The following TTLL7 variants were observed in gnomAD, a reference collection of about 807,000 sequenced individuals.
TTLL7 encodes tubulin polyglutamylase TTLL7.
A neutral mutation model predicts 120.2 loss-of-function variants in TTLL7; 53 were observed. That is an observed-to-expected ratio of 0.44 (90% CI 0.35 to 0.55). The LOEUF (loss-of-function observed/expected upper bound fraction) is 0.55. Among genes scored for constraint, TTLL7 ranks in the 20% least tolerant of loss-of-function variants. The pLI is 0.00. For synonymous variants in TTLL7, 353 were observed against 351.7 expected, an observed-to-expected ratio of 1.00 and a Z score of -0.04; for missense variants, 803 against 1,054.7, an observed-to-expected ratio of 0.76 and a Z score of 3.31.
chr1:83,878,504 A>T (rs747122906), intron 20 of TTLL7, among the ~76,000 whole-genome samples: 6 of 151,766 alleles, frequency 4.0e-5, no homozygotes, highest in Non-Finnish European at 5.9e-5. Flanking sequence ...CAGGCCCTGA[A>T]CTCCTATTTT....
chr1:83,892,207 C>CATATATATGAATATATATGTGT (rs1310205412), intron 18 of TTLL7, among the ~76,000 whole-genome samples: 4 of 142,892 alleles, frequency 2.8e-5, no homozygotes, highest in Admixed American at 1.4e-4. Context: ...TATATATACA[C>CATATATATGAATATATATGTGT]ATATATATGA....
chr1:83,965,394 A>G (rs1195462356), intron 1 of TTLL7, among the ~76,000 whole-genome samples: 2 of 152,020 alleles, frequency 1.3e-5, no homozygotes, highest in Non-Finnish European at 2.9e-5. Flanking sequence ...CTCTTCTGCC[A>G]CCTTGCGAAG....
chr1:83,900,037 C>T, intron 18 of TTLL7: 1 of 329,072 alleles, frequency 3.0e-6, no homozygotes, highest in Non-Finnish European at 5.9e-6. Flanking sequence ...CATAATAACC[C>T]TAAAACATAT....
chr1:83,907,615 T>C lies in TTLL7; in HGVS notation c.1833A>G (p.Gln611=), dbSNP rs111919051. The C allele has an allele frequency of 1.5e-5, 24 of 1,613,148 alleles. No homozygotes were observed. Among genetic ancestry groups the C allele is most frequent in the African/African-American group, 8.0e-5 (6 of 74,962 alleles). Residue 611 remains glutamine (Q), a synonymous_variant, in exon 16 of 21, where the codon CAA becomes CAG. Coordinates refer to ENST00000260505, the MANE Select transcript of TTLL7 (RefSeq NM_024686.6). ...SVSCPRSISA[Q]SPSSGDTRPF... ...GGCGGGTGTCCCCACTGGAAGGTGA[T>C]TGAGCAGAGATGGACCGAGGGCAGC...
chr1:83,896,902 A>G (rs142741649), intron 18 of TTLL7, among the ~76,000 whole-genome samples: 383 of 152,218 alleles, frequency 2.5e-3, no homozygotes, highest in Admixed American at 7.5e-3. Context: ...CTTCATATAT[A>G]TTCCTCACAA....
At chr1:83,917,812 T>C (rs971638917) in intron 13 of TTLL7, 122 bp from the exon 14 acceptor site, 2 of 660,948 alleles carry the variant, frequency 3.0e-6, no homozygotes, top group Admixed American at 5.8e-5. Flanking sequence ...TGAAGATTGC[T>C]CAGAAAAAAG....
At chr1:83,902,182 T>C (rs962643746) in intron 18 of TTLL7, 2 of 151,858 alleles carry the variant, frequency 1.3e-5, no homozygotes, top group Non-Finnish European at 2.9e-5. Flanking sequence ...CTCTCTTTCC[T>C]GGGCCATTCC....
At chr1:83,919,156 G>T (rs1658432384) in intron 13 of TTLL7, among the ~76,000 whole-genome samples, 1 of 151,918 alleles carries the variant, frequency 6.6e-6, no homozygotes, top group South Asian at 2.1e-4. Context: ...GAACCACTCA[G>T]CTGTGCCCAG....
chr1:83,873,598 G>A (rs1653642472), intron 20 of TTLL7, among the ~76,000 whole-genome samples: 1 of 152,060 alleles, frequency 6.6e-6, no homozygotes, highest in African/African-American at 2.4e-5. Flanking sequence ...TACCCTATTT[G>A]TTTCATAGCC....
chr1:83,986,709 C>T (rs1652484465), intron 1 of TTLL7, among the ~76,000 whole-genome samples: 1 of 152,068 alleles, frequency 6.6e-6, no homozygotes, highest in Non-Finnish European at 1.5e-5. Context: ...GGAGTGGTGG[C>T]ATGCACCTGT....
chr1:83,982,453 G>T (rs890575587), intron 1 of TTLL7, among the ~76,000 whole-genome samples: 4 of 151,978 alleles, frequency 2.6e-5, no homozygotes, highest in Non-Finnish European at 5.9e-5. Context: ...GAAAACAACA[G>T]TGAAAATAAA....
At position 83,911,026 on chromosome 1, in the gene TTLL7, T is replaced by C. The variant is rs2100771290; in HGVS notation, c.1786+139A>G. The C allele has an allele frequency of 6.0e-6, 4 of 670,340 alleles. No homozygotes were observed. In the East Asian group the frequency reaches 8.1e-5, roughly 14 times the overall value. The allele number at this position is 670,340 out of a possible 1,614,324, so 41.5% of individuals were successfully genotyped here. On this transcript the variant is annotated intron_variant, in intron 15 of 20. Transcript: ENST00000260505. ...AATTAAGGGATGTGCCCGAGTCTGG[T>C]TAGGGAAGGAAGTGGGATGGAATCC...
At chr1:83,947,875 T>A (rs764577515) in intron 5 of TTLL7, among the ~76,000 whole-genome samples, 26 of 152,210 alleles carry the variant, frequency 1.7e-4, no homozygotes, top group South Asian at 4.2e-4. Flanking sequence ...CTTCTTTTTT[T>A]AAAAAATTAT....
intron 10 of TTLL7, among the ~76,000 whole-genome samples, chr1:83,926,763 TC>T (rs947361221): frequency 3.3e-5 from 5 of 152,174 alleles, no homozygotes; most frequent in African/African-American, 1.2e-4. Flanking sequence ...TTTAATTTAA[TC>T]TAATTAACAA....
rs189032665 is a variant in TTLL7 at position 83,951,274 on chromosome 1, G to A, written c.157+571C>T. Among the ~76,000 whole-genome samples the A allele has an allele frequency of 8.4e-4, 127 of 152,064 alleles. 1 individual carries two copies. The highest frequency in any genetic ancestry group is 2.8e-3 in the African/African-American group (117 of 41,494). ...TGAGGCAGGAGAATGGCGTGAACCC[G>A]GGAGACGGAGCTTGCAGTGAGCCGA... On this transcript the variant is annotated intron_variant, in intron 3 of 20. Coordinates refer to ENST00000260505, the MANE Select transcript of TTLL7 (RefSeq NM_024686.6).
chr1:83,895,368 A>C (rs1187454211), intron 18 of TTLL7, among the ~76,000 whole-genome samples: 2 of 152,054 alleles, frequency 1.3e-5, no homozygotes, highest in Non-Finnish European at 2.9e-5. Flanking sequence ...TGTGCCAAGC[A>C]CTGTTCTAAG....
chr1:83,965,000 T>C (rs1650324531), intron 1 of TTLL7, among the ~76,000 whole-genome samples: 2 of 152,126 alleles, frequency 1.3e-5, no homozygotes, highest in Admixed American at 6.6e-5. Context: ...TCTTAATCAA[T>C]GGACCACAAA....
At chr1:83,918,616 T>C (rs1658388687) in intron 13 of TTLL7, among the ~76,000 whole-genome samples, 1 of 152,102 alleles carries the variant, frequency 6.6e-6, no homozygotes, top group Non-Finnish European at 1.5e-5. Flanking sequence ...AGCAGTACAA[T>C]ATAGCCAAAA....
intron 1 of TTLL7, among the ~76,000 whole-genome samples, chr1:83,998,590 C>A (rs1353144633): frequency 6.6e-6 from 1 of 152,216 alleles, no homozygotes; most frequent in African/African-American, 2.4e-5. Context: ...GACGGAATTA[C>A]AGAATAAACC....
Sources: gnomAD v4.1 joint callset for allele counts (sites outside exome capture counted in the v4.1 genomes callset) on GRCh38, gnomAD v4.1.1 for gene constraint, MANE v1.5 for transcripts, NCBI Gene and HGNC (gene_info 2026-07-23, HGNC 2026-07-21) for gene names.